Variants in CCSER1 observed in about 807,000 individuals in gnomAD.
CCSER1 encodes the protein serine-rich coiled-coil domain-containing protein 1.
Under a neutral mutation model 82.0 loss-of-function variants are expected in CCSER1, and 41 were observed. That is an observed-to-expected ratio of 0.50 (90% CI 0.39 to 0.65). The LOEUF (loss-of-function observed/expected upper bound fraction) is 0.65, where lower values mean the gene tolerates loss of function less well. Ranked by LOEUF, CCSER1 falls within the 30% of genes least tolerant of loss-of-function variation. The pLI is 0.00. For synonymous variants in CCSER1, 414 were observed against 383.9 expected, an observed-to-expected ratio of 1.08 and a Z score of -0.92; for missense variants, 1,119 against 1,064.2, an observed-to-expected ratio of 1.05 and a Z score of -0.72.
chr4:90,481,678 ATT>A (rs898764317), intron 5 of CCSER1, among the ~76,000 whole-genome samples: 6 of 152,048 alleles, frequency 3.9e-5, no homozygotes, highest in Non-Finnish European at 8.8e-5. Flanking sequence ...ACGTTTATTG[ATT>A]TTCGTATGTT....
Position 90,272,362 on chromosome 4 carries a change from A to AT in CCSER1, c.-41-35881dup, listed in dbSNP as rs527376670. ...CAAATTAAAACTGCAAAGATATATC[A>AT]TCTCATGCCAGTTAAAATGGCTTTT... On this transcript the variant is annotated intron_variant, in intron 1 of 10. Transcript: ENST00000509176. 6.2e-3 allele frequency among the ~76,000 whole-genome samples: 948 copies of AT among 152,316 alleles called. 8 individuals carry two copies. Among genetic ancestry groups the AT allele is most frequent in the African/African-American group, 0.022 (921 of 41,564 alleles).
At chr4:90,691,616 A>G (rs546298377) in intron 6 of CCSER1, among the ~76,000 whole-genome samples, 4 of 143,312 alleles carry the variant, frequency 2.8e-5, no homozygotes, top group African/African-American at 5.0e-5. Context: ...TATCACATGT[A>G]TATATGTGTA....
rs141846005 is a variant in CCSER1 at position 90,450,723 on chromosome 4, C to T, written c.1604-17511C>T. Among the ~76,000 whole-genome samples the T allele has an allele frequency of 4.3e-3, 657 of 152,258 alleles. 6 individuals carry two copies. Among genetic ancestry groups the T allele is most frequent in the African/African-American group, 0.015 (636 of 41,548 alleles). ...AAGAAGTACACAGTAAGCCCTCACCCCCATTCTGGGACTAGAGAGAGAGAA... is the reference window on the plus strand; with the variant it reads ...AAGAAGTACACAGTAAGCCCTCACCTCCATTCTGGGACTAGAGAGAGAGAA... On this transcript the variant is annotated intron_variant, in intron 4 of 10. Coordinates refer to ENST00000509176, the MANE Select transcript of CCSER1 (RefSeq NM_001145065.2).
intron 9 of CCSER1, among the ~76,000 whole-genome samples, chr4:90,985,937 A>T (rs915520789): frequency 6.6e-6 from 1 of 151,776 alleles, no homozygotes; most frequent in Non-Finnish European, 1.5e-5. Context: ...TTTATTCAGT[A>T]ACTTTTGTGA....
chr4:90,361,584 G>A (rs3857062), intron 3 of CCSER1, among the ~76,000 whole-genome samples: 97,908 of 152,044 alleles, frequency 0.64, 32,680 homozygotes, highest in African/African-American at 0.81. Flanking sequence ...AGTTTAGGGT[G>A]CAATTGAGCC....
intron 8 of CCSER1, among the ~76,000 whole-genome samples, chr4:90,897,481 A>G (rs376162484): frequency 7.9e-5 from 12 of 152,134 alleles, no homozygotes; most frequent in African/African-American, 2.2e-4. Context: ...ATTCTTCTAT[A>G]TGGCTCTGTA....
rs1764818110 is a variant in CCSER1 at position 91,601,584 on chromosome 4, T to G, written c.*2527T>G. ...GTGAATTGCTTTCTTTGTACTAAAA[T>G]CTCTAGTTTTCTAAGACAGTTCCAT... On this transcript the variant is annotated 3_prime_UTR_variant, in exon 11 of 11. Transcript: ENST00000509176. 1 of 152,006 alleles carries G rather than the reference T, an allele frequency of 6.6e-6. No homozygotes were observed. 9.4% of individuals were successfully genotyped at this position (152,006 alleles called of 1,614,324 possible).
At chr4:90,473,565 C>T (rs1358749844) in intron 5 of CCSER1, among the ~76,000 whole-genome samples, 1 of 152,148 alleles carries the variant, frequency 6.6e-6, no homozygotes, top group Non-Finnish European at 1.5e-5. Context: ...TCATTTAGTA[C>T]AAACGTCTCA....
At chr4:91,229,768 A>G (rs1270202508) in intron 10 of CCSER1, among the ~76,000 whole-genome samples, 4 of 152,124 alleles carry the variant, frequency 2.6e-5, no homozygotes, top group Non-Finnish European at 5.9e-5. Flanking sequence ...CTCACTCATT[A>G]GTGGGAGTTA....
intron 7 of CCSER1, among the ~76,000 whole-genome samples, chr4:90,761,086 A>G (rs1750343661): frequency 6.6e-6 from 1 of 152,122 alleles, no homozygotes; most frequent in Non-Finnish European, 1.5e-5. Context: ...CTAAAATTAA[A>G]TTAAAATGCC....
intron 10 of CCSER1, among the ~76,000 whole-genome samples, chr4:91,217,104 G>A (rs1737306343): frequency 3.9e-5 from 6 of 152,114 alleles, no homozygotes; most frequent in South Asian, 2.1e-4. Flanking sequence ...TCGTGGTCTC[G>A]CTGGCTCAGG....
intron 4 of CCSER1, among the ~76,000 whole-genome samples, chr4:90,415,731 C>G (rs1755690220): frequency 6.6e-6 from 1 of 152,110 alleles, no homozygotes; most frequent in South Asian, 2.1e-4. Flanking sequence ...AAACAAGGTC[C>G]TGTTTCTATT....
chr4:91,402,106 G>A (rs963068008), intron 10 of CCSER1, among the ~76,000 whole-genome samples: 1 of 152,144 alleles, frequency 6.6e-6, no homozygotes, highest in African/African-American at 2.4e-5. Flanking sequence ...GTGTGAGATG[G>A]TATCTCATTG....
At chr4:91,292,842 G>T (rs774764085) in intron 10 of CCSER1, among the ~76,000 whole-genome samples, 1 of 151,940 alleles carries the variant, frequency 6.6e-6, no homozygotes, top group Non-Finnish European at 1.5e-5. Flanking sequence ...TGAGCTCAAT[G>T]CTTGAGTATC....
intron 4 of CCSER1, among the ~76,000 whole-genome samples, chr4:90,435,165 G>A (rs996821733): frequency 2.6e-5 from 4 of 151,978 alleles, no homozygotes; most frequent in Non-Finnish European, 5.9e-5. Context: ...AAAAGACAAG[G>A]AAAATAATAA....
intron 6 of CCSER1, among the ~76,000 whole-genome samples, chr4:90,712,779 T>A (rs1264941394): frequency 2.0e-5 from 3 of 152,002 alleles, no homozygotes; most frequent in Non-Finnish European, 2.9e-5. Context: ...TGAAGTCTTT[T>A]TGTAGGTCTC....
chr4:91,431,094 G>A, intron 10 of CCSER1, among the ~76,000 whole-genome samples: 1 of 152,086 alleles, frequency 6.6e-6, no homozygotes, highest in East Asian at 1.9e-4. Flanking sequence ...AAGTTAGCTG[G>A]GCGTGGTGGC....
rs55780432 is a variant in CCSER1, at chr4:90,795,287, C to CAA, written c.2011-20459_2011-20458dup. ...GGGCAACAAGGGCAAAACTCTGTCT[C>CAA]AAAAAAAAAAAAAAAAAGGAAACAA... On this transcript the variant is annotated intron_variant, in intron 7 of 10. Transcript: ENST00000509176. Among the ~76,000 whole-genome samples, 97 of 127,578 alleles carry CAA rather than the reference C, an allele frequency of 7.6e-4. 1 individual carries two copies. Among genetic ancestry groups the CAA allele is most frequent in the South Asian group, 1.9e-3 (7 of 3,774 alleles). 83.7% of individuals were successfully genotyped at this position (127,578 alleles called of 152,430 possible).
At chr4:90,483,624 A>G (rs531626020) in intron 5 of CCSER1, among the ~76,000 whole-genome samples, 1 of 152,010 alleles carries the variant, frequency 6.6e-6, no homozygotes, top group Admixed American at 6.6e-5. Flanking sequence ...TTTCTCCTTC[A>G]CTTATGAAGC....
Sources: allele counts gnomAD v4.1 joint callset (sites outside exome capture counted in the v4.1 genomes callset), GRCh38; gene constraint gnomAD v4.1.1; transcripts MANE v1.5; gene names NCBI Gene and HGNC (gene_info 2026-07-23, HGNC 2026-07-21).